Variants in IARS1 observed in about 807,000 individuals in gnomAD.
IARS1 encodes isoleucine--tRNA ligase, cytoplasmic.
In IARS1, 124 loss-of-function variants were observed where a neutral mutation model predicts 168.2. The ratio of observed to expected loss-of-function variants is 0.74; its 90% CI spans 0.64 to 0.86. The LOEUF is 0.86. IARS1 is among the 40% of genes least tolerant of loss of function. The pLI, the probability that IARS1 is intolerant of heterozygous loss-of-function variation, is 0.00. For synonymous variants in IARS1, 532 were observed against 529.4 expected (o/e 1.00, Z -0.07); for missense variants, 1,452 against 1,515.8 (o/e 0.96, Z 0.70).
chr9:92,262,516 T>G (rs780184128), intron 17 of IARS1, among the ~76,000 whole-genome samples: 1 of 152,142 alleles, frequency 6.6e-6, no homozygotes, highest in Non-Finnish European at 1.5e-5. Context: ...GGAGGAAGTT[T>G]CAGATGAGGG....
chr9:92,217,785 G>C (rs1838978588), intron 33 of IARS1, among the ~76,000 whole-genome samples: 1 of 152,020 alleles, frequency 6.6e-6, no homozygotes, highest in Non-Finnish European at 1.5e-5. Flanking sequence ...ATAATCAATA[G>C]CTTACCAACC....
At chr9:92,278,127 T>A in intron 8 of IARS1, 72 bp downstream of exon 8, 3 of 1,174,844 alleles carry the variant, frequency 2.6e-6, no homozygotes, top group Non-Finnish European at 3.8e-6. Flanking sequence ...ACAAAGTTTA[T>A]TTCTTTTTAA....
In IARS1 at chr9:92,247,204, GAGAGAAGAGAGAAA is replaced by G. The variant is rs528461588; in HGVS notation, c.2791+159_2791+172del. On this transcript the variant is annotated intron_variant, in intron 26 of 33. Transcript: ENST00000443024. ...GCGAGATTCTGTCAAGAAAAGAGAAGAGAGAAGAGAGAAAAGAGAAGAGAGTAAGGAAAGGAAAG... is the reference window on the plus strand; with the variant it reads ...GCGAGATTCTGTCAAGAAAAGAGAAGAGAGAAGAGAGTAAGGAAAGGAAAG... Among the ~76,000 whole-genome samples the G allele has an allele frequency of 7.7e-5, 11 of 142,872 alleles. 1 individual carries two copies. In the East Asian group the frequency reaches 2.3e-3, roughly 30 times the overall value. The allele number at this position is 142,872 out of a possible 152,430, so 93.7% of individuals were successfully genotyped here. A position where few individuals can be genotyped will look rare whatever the true frequency, so the allele number is the denominator to read the frequency against.
chr9:92,251,831 G>C lies in IARS1; in HGVS notation c.2284C>G (p.Leu762Val). The stretch of plus-strand genomic sequence containing the variant: ...ACCATAAGTCTGCAAAGAGAAAGCA[G>C]AACACTAAACAAGGTTTCTAGGGCC... ...VMALETLFSV[L>V]LSLCRLMAPY... The change falls in exon 22 of 34, where the codon CTG (leucine) becomes GTG (valine). Residue 762 changes from leucine to valine, a missense_variant. Leu to Val is a conservative substitution (Grantham distance 32). Transcript: ENST00000443024. 8 of 1,613,866 alleles carry C rather than the reference G, an allele frequency of 5.0e-6. No individual in the cohort carries two copies. The highest frequency in any genetic ancestry group is 1.3e-5 in the African/African-American group (1 of 74,992).
rs1423964513 is a variant in IARS1, at chr9:92,219,050, C to G, written c.3706+3470G>C. ...TACAAGGCTACAGTAACCAAAACAGCATGGTACTGGTACCAAAATAGAGAT... is the reference window on the plus strand; with the variant it reads ...TACAAGGCTACAGTAACCAAAACAGGATGGTACTGGTACCAAAATAGAGAT... On this transcript the variant is annotated intron_variant, in intron 33 of 33. Transcript: ENST00000443024. Among the ~76,000 whole-genome samples, 13 of 152,184 alleles carry G rather than the reference C, an allele frequency of 8.5e-5. 1 individual carries two copies. The highest frequency in any genetic ancestry group is 3.1e-4 in the African/African-American group (13 of 41,442).
intron 6 of IARS1, among the ~76,000 whole-genome samples, chr9:92,281,418 G>T (rs1338027325): frequency 6.6e-6 from 1 of 152,128 alleles, no homozygotes; most frequent in Non-Finnish European, 1.5e-5. Flanking sequence ...ACAGGCGTGA[G>T]TCACCATGCC....
intron 9 of IARS1, among the ~76,000 whole-genome samples, chr9:92,277,097 A>G (rs1833874471): frequency 6.6e-6 from 1 of 152,250 alleles, no homozygotes. Flanking sequence ...CCTGGGTGAT[A>G]TGTAGACTAC....
intron 11 of IARS1, 126 bp downstream of exon 11, chr9:92,271,407 C>T (rs1833009790): frequency 5.8e-6 from 7 of 1,196,600 alleles, no homozygotes; most frequent in East Asian, 2.3e-5. Context: ...TCTGTCTTTA[C>T]GGATTTCATG....
At chr9:92,250,954 C>A in intron 22 of IARS1, 120 bp from the exon 23 acceptor site, 1 of 1,064,454 alleles carries the variant, frequency 9.4e-7, no homozygotes, top group Non-Finnish European at 1.4e-6. Flanking sequence ...CCAAAATGAG[C>A]ATGAGGTTAC....
Position 92,253,405 on chromosome 9 carries a change from A to C in IARS1, c.2186T>G (p.Ile729Ser). The part of the protein sequence containing the change: ...VVPRLVKFVD[I>S]LTNWYVRMNR... ...CATTCTAACATACCAATTGGTCAGA[A>C]TATCTACAAACTTGACCAGGCGAGG... Residue 729 changes from isoleucine to serine, a missense_variant, in exon 21 of 34, where the codon ATT becomes AGT. Coordinates refer to ENST00000443024, the MANE Select transcript of IARS1 (RefSeq NM_002161.6). The C allele has an allele frequency of 6.2e-7, 1 of 1,613,916 alleles. No individual in the cohort carries two copies. The highest frequency in any genetic ancestry group is 2.2e-5 in the East Asian group (1 of 44,886).
intron 7 of IARS1, among the ~76,000 whole-genome samples, chr9:92,279,190 T>C (rs866043810): frequency 6.6e-6 from 1 of 152,238 alleles, no homozygotes; most frequent in Non-Finnish European, 1.5e-5. Flanking sequence ...TTCCAATTTA[T>C]TGAAAAACTG....
At chr9:92,292,016 CTTTT>C (rs35644715) in intron 1 of IARS1, among the ~76,000 whole-genome samples, 8 of 126,928 alleles carry the variant, frequency 6.3e-5, no homozygotes, top group Admixed American at 7.7e-5. Flanking sequence ...AGGATCATTC[CTTTT>C]TTTTTTTTTT....
At chr9:92,221,709 C>T (rs1839686095) in intron 33 of IARS1, among the ~76,000 whole-genome samples, 2 of 152,084 alleles carry the variant, frequency 1.3e-5, no homozygotes, top group African/African-American at 2.4e-5. Flanking sequence ...GGTCGCCATC[C>T]TTAATTTCTA....
intron 30 of IARS1, among the ~76,000 whole-genome samples, chr9:92,232,596 T>A (rs1256317370): frequency 6.6e-6 from 1 of 152,212 alleles, no homozygotes. Context: ...AGTAGGTTTG[T>A]GGAAGAGGAA....
intron 17 of IARS1, among the ~76,000 whole-genome samples, chr9:92,260,786 T>C (rs1831414835): frequency 6.6e-6 from 1 of 152,250 alleles, no homozygotes; most frequent in African/African-American, 2.4e-5. Context: ...TGTGTCAGAA[T>C]ATATCCCAAA....
chr9:92,269,987 G>T lies in IARS1; in HGVS notation c.1206-4C>A. ...GTAAATTAGAGGAGTGTCTGATCTG[G>T]GGAAGCAGAAACACACACATAGCTG... On this transcript the variant is annotated splice_region_variant and splice_polypyrimidine_tract_variant and intron_variant, in intron 12 of 33. Transcript: ENST00000443024. 1.2e-6 allele frequency: 2 copies of T among 1,604,918 alleles called. No homozygotes were observed. The highest frequency in any genetic ancestry group is 1.1e-5 in the South Asian group (1 of 90,878).
intron 30 of IARS1, among the ~76,000 whole-genome samples, chr9:92,231,466 T>C (rs1587732662): frequency 6.7e-6 from 1 of 149,820 alleles, no homozygotes. Context: ...CAGGCTGGAG[T>C]GCAATGGCAT....
In IARS1 at chr9:92,254,953, G is replaced by T. The variant is rs1039554943; in HGVS notation, c.2138-1500C>A. ...ATCTCCAGACCCAGCTTCACAGGAG[G>T]TCATGGCAGCTGGTGCCCAAATATT... On this transcript the variant is annotated intron_variant, in intron 20 of 33. Coordinates refer to ENST00000443024, the MANE Select transcript of IARS1 (RefSeq NM_002161.6). 1.5e-4 allele frequency among the ~76,000 whole-genome samples: 23 copies of T among 152,216 alleles called. 1 individual carries two copies. The East Asian group carries it at 4.4e-3, about 29-fold the overall frequency.
At chr9:92,275,614 C>T (rs548492429) in intron 9 of IARS1, among the ~76,000 whole-genome samples, 1 of 152,258 alleles carries the variant, frequency 6.6e-6, no homozygotes, top group South Asian at 2.1e-4. Flanking sequence ...GTTACATGTT[C>T]TATACTTAGA....
Sources: gnomAD v4.1 joint callset for allele counts (sites outside exome capture counted in the v4.1 genomes callset) on GRCh38, gnomAD v4.1.1 for gene constraint, MANE v1.5 for transcripts, NCBI Gene and HGNC (gene_info 2026-07-23, HGNC 2026-07-21) for gene names.